RBM25: variants seen among roughly 807,000 people sequenced by gnomAD.
RBM25 encodes RNA-binding protein 25.
RBM25 carries 19 observed loss-of-function variants against 120.7 expected under a neutral mutation model. The observed-to-expected ratio is 0.16, with a 90% CI of 0.11 to 0.23. RBM25 has a LOEUF of 0.23. Ranked by LOEUF, RBM25 falls within the 10% of genes least tolerant of loss-of-function variation. The pLI is 1.00. For missense variants in RBM25, 605 were observed against 1,041.5 expected, an observed-to-expected ratio of 0.58 and a Z score of 5.77; for synonymous variants, 390 against 326.7, an observed-to-expected ratio of 1.19 and a Z score of -2.09.
chr14:73,111,304 C>T, intron 15 of RBM25, 149 bp downstream of exon 15: 1 of 845,698 alleles, frequency 1.2e-6, no homozygotes, highest in Non-Finnish European at 1.8e-6. Flanking sequence ...CGATTGTTTT[C>T]ATAGTTTTAC....
At chr14:73,075,568 CTTTA>C (rs1895397585) in intron 2 of RBM25, among the ~76,000 whole-genome samples, 1 of 152,128 alleles carries the variant, frequency 6.6e-6, no homozygotes, top group African/African-American at 2.4e-5. Context: ...TTTGTTTTTA[CTTTA>C]TTTGACAAAA....
chr14:73,084,664 T>G (rs1475275468), intron 5 of RBM25, among the ~76,000 whole-genome samples: 2 of 151,636 alleles, frequency 1.3e-5, no homozygotes, highest in African/African-American at 4.8e-5. Flanking sequence ...GCAATTCTCC[T>G]GCCCCAGCCT....
chr14:73,066,015 T>C (rs1428404607), intron 1 of RBM25, among the ~76,000 whole-genome samples: 1 of 152,198 alleles, frequency 6.6e-6, no homozygotes, highest in Admixed American at 6.6e-5. Context: ...TAAATTTGTT[T>C]ATTGAAGTCC....
At chr14:73,062,464 CTAAAA>C (rs1241012682) in intron 1 of RBM25, among the ~76,000 whole-genome samples, 4 of 151,328 alleles carry the variant, frequency 2.6e-5, no homozygotes, top group East Asian at 1.9e-4. Context: ...TGGAGCTAGT[CTAAAA>C]TAATCTATCC....
chr14:73,083,851 A>G (rs1226599076), intron 5 of RBM25, among the ~76,000 whole-genome samples: 1 of 152,038 alleles, frequency 6.6e-6, no homozygotes, highest in Admixed American at 6.6e-5. Context: ...CATGATCAAA[A>G]TGGAACAATT....
At chr14:73,090,675 G>T (rs1895793936) in intron 6 of RBM25, among the ~76,000 whole-genome samples, 1 of 152,070 alleles carries the variant, frequency 6.6e-6, no homozygotes, top group East Asian at 1.9e-4. Context: ...CTCTTTCACA[G>T]CCCCTTGTAA....
In RBM25 at chr14:73,071,608, C is replaced by A; in HGVS notation, c.-15-19C>A. 1.3e-6 allele frequency: 2 copies of A among 1,492,968 alleles called. No individual in the cohort carries two copies. The highest frequency in any genetic ancestry group is 1.1e-5 in the South Asian group (1 of 87,760). 92.5% of individuals were successfully genotyped at this position (1,492,968 alleles called of 1,614,324 possible). On this transcript the variant is annotated intron_variant, in intron 1 of 18. Transcript: ENST00000261973. Reference sequence around the variant, plus strand: ...GACGTTTTCAAATAAAATGATTTGTCATGTCCTTTTTTCTTTAGACTGCTG... The same window carrying A: ...GACGTTTTCAAATAAAATGATTTGTAATGTCCTTTTTTCTTTAGACTGCTG...
chr14:73,068,258 AT>A, intron 1 of RBM25: 1 of 852,522 alleles, frequency 1.2e-6, no homozygotes. Context: ...TTTATAAACC[AT>A]TTAGACCCCA....
At chr14:73,117,210 CTTTTTTTTTTTTTTTTTTTTTTT>C (rs71112704) in intron 18 of RBM25, among the ~76,000 whole-genome samples, 62 of 49,432 alleles carry the variant, frequency 1.3e-3, no homozygotes, top group Non-Finnish European at 2.1e-3. Context: ...TTCTTCTTTT[CTTTTTTTTTTTTTTTTTTTTTTT>C]TTTTTTTTTT....
chr14:73,092,347 T>A (rs1218641844), intron 6 of RBM25, among the ~76,000 whole-genome samples: 1 of 152,072 alleles, frequency 6.6e-6, no homozygotes, highest in Admixed American at 6.6e-5. Flanking sequence ...ATGGTGATTG[T>A]TTTTTATTCT....
At chr14:73,115,713 G>C (rs1221177364) in intron 18 of RBM25, among the ~76,000 whole-genome samples, 1 of 152,240 alleles carries the variant, frequency 6.6e-6, no homozygotes, top group Non-Finnish European at 1.5e-5. Flanking sequence ...ATTGAACTAT[G>C]ATCTCCAAGT....
intron 4 of RBM25, among the ~76,000 whole-genome samples, chr14:73,080,211 A>ATTTT (rs1594906280): frequency 4.4e-5 from 4 of 90,230 alleles, no homozygotes; most frequent in East Asian, 3.4e-4. Flanking sequence ...ATTCTTACAC[A>ATTTT]TCTTTTTTTT....
intron 12 of RBM25, chr14:73,107,464 A>G (rs1380083908): frequency 5.9e-6 from 1 of 170,790 alleles, no homozygotes; most frequent in South Asian, 1.5e-4. Context: ...AAAACATTTT[A>G]TGTACAACTG....
rs1202447084 is a variant in RBM25, at chr14:73,096,959, G to A, written c.588G>A (p.Leu196=). ...ETVTNDDEEA[L]DEETKRRDQM... ...TCACTAATGACGATGAAGAAGCCTT[G>A]GATGAAGAAACAAAGAGGAGAGATC... Residue 196 remains leucine, a synonymous_variant, in exon 7 of 19, where the codon TTG becomes TTA. Transcript: ENST00000261973. 3 of 1,613,120 alleles carry A rather than the reference G, an allele frequency of 1.9e-6. No individual in the cohort carries two copies. The highest frequency in any genetic ancestry group is 2.5e-6 in the Non-Finnish European group (3 of 1,179,736).
At chr14:73,070,768 G>T (rs1462834154) in intron 1 of RBM25, among the ~76,000 whole-genome samples, 2 of 152,060 alleles carry the variant, frequency 1.3e-5, no homozygotes, top group African/African-American at 4.8e-5. Flanking sequence ...CCAACATGGT[G>T]AAACCCCGTC....
At position 73,088,152 on chromosome 14, in the gene RBM25, T is replaced by A; in HGVS notation, c.534T>A (p.Ala178=). The change falls in exon 6 of 19, where the codon GCT becomes GCA. Residue 178 remains alanine, a synonymous_variant. Transcript: ENST00000261973. ...QLDEWKAKKK[A]SNGNARPETV... is the part of the protein sequence containing the mutation. Reference sequence around the variant, plus strand: ...ATGAATGGAAAGCAAAGAAGAAAGCTTCTAATGGGGTATGTTTTCTGTCGT... The same window carrying A: ...ATGAATGGAAAGCAAAGAAGAAAGCATCTAATGGGGTATGTTTTCTGTCGT... The A allele has an allele frequency of 6.2e-7, 1 of 1,614,096 alleles. No individual in the cohort carries two copies.
At chr14:73,083,800 C>G (rs1393948511) in intron 5 of RBM25, among the ~76,000 whole-genome samples, 2 of 151,824 alleles carry the variant, frequency 1.3e-5, no homozygotes, top group Non-Finnish European at 2.9e-5. Context: ...TAACTGGTTT[C>G]TTGTTCTTTC....
intron 9 of RBM25, chr14:73,100,514 C>G: frequency 2.2e-6 from 1 of 462,614 alleles, no homozygotes; most frequent in Non-Finnish European, 3.9e-6. Flanking sequence ...GACAGTGCAT[C>G]TGTGAATGTT....
chr14:73,114,988 A>G (rs569648229), intron 18 of RBM25, among the ~76,000 whole-genome samples: 180 of 152,366 alleles, frequency 1.2e-3, no homozygotes, highest in African/African-American at 4.2e-3. Context: ...AAGTAGAACA[A>G]ATGACCTGTA....
Sources: allele counts gnomAD v4.1 joint callset (sites outside exome capture counted in the v4.1 genomes callset), GRCh38; gene constraint gnomAD v4.1.1; transcripts MANE v1.5; gene names NCBI Gene and HGNC (gene_info 2026-07-23, HGNC 2026-07-21).